The following USP34 variants were observed in gnomAD, a reference collection of about 807,000 sequenced individuals.
USP34 encodes ubiquitin carboxyl-terminal hydrolase 34.
In USP34, 70 loss-of-function variants were observed where a neutral mutation model predicts 460.3. That is an observed-to-expected ratio of 0.15 (90% CI 0.13 to 0.19). The LOEUF (loss-of-function observed/expected upper bound fraction) is 0.19, where lower values mean the gene tolerates loss of function less well. Among genes scored for constraint, USP34 ranks in the 10% least tolerant of loss-of-function variants. The probability of loss-of-function intolerance (pLI) is 1.00; values close to 1 mark genes in which losing one functional copy is unlikely to be tolerated. For synonymous variants in USP34, 1,647 were observed against 1,405.3 expected, an observed-to-expected ratio of 1.17 and a Z score of -3.85; for missense variants, 3,985 against 4,236.2, an observed-to-expected ratio of 0.94 and a Z score of 1.65.
At chr2:61,310,545 T>C (rs1690557646) in intron 27 of USP34, among the ~76,000 whole-genome samples, 1 of 151,186 alleles carries the variant, frequency 6.6e-6, no homozygotes, top group Admixed American at 6.6e-5. Flanking sequence ...TATACATCTA[T>C]ATAGCACATA....
At chr2:61,415,672 G>T (rs998333376) in intron 2 of USP34, among the ~76,000 whole-genome samples, 1 of 151,996 alleles carries the variant, frequency 6.6e-6, no homozygotes, top group Non-Finnish European at 1.5e-5. Flanking sequence ...GGGGACACAG[G>T]GACTTTATTA....
chr2:61,405,656 G>A (rs1693849941), intron 3 of USP34, 52 bp downstream of exon 3: 5 of 1,440,182 alleles, frequency 3.5e-6, no homozygotes, highest in Non-Finnish European at 4.6e-6. Context: ...GAAACAGACT[G>A]CGAAGTTAAG....
intron 20 of USP34, among the ~76,000 whole-genome samples, chr2:61,326,443 G>A (rs564763902): frequency 2.0e-5 from 3 of 152,214 alleles, no homozygotes; most frequent in Admixed American, 2.0e-4. Context: ...TGGCCAGGCT[G>A]TCTCAAACTC....
At chr2:61,203,737 T>C (rs560905603) in intron 74 of USP34, among the ~76,000 whole-genome samples, 8 of 152,218 alleles carry the variant, frequency 5.3e-5, no homozygotes, top group East Asian at 1.9e-4. Flanking sequence ...TTTAAAAAAG[T>C]TGAAACTAAG....
At chr2:61,416,084 T>C (rs1221083329) in intron 2 of USP34, among the ~76,000 whole-genome samples, 2 of 152,198 alleles carry the variant, frequency 1.3e-5, no homozygotes, top group African/African-American at 4.8e-5. Flanking sequence ...GAAAGGACTA[T>C]TACTCCACAG....
At chr2:61,282,013 A>G (rs1156801296) in intron 37 of USP34, among the ~76,000 whole-genome samples, 14 of 152,180 alleles carry the variant, frequency 9.2e-5, no homozygotes, top group Non-Finnish European at 2.1e-4. Context: ...TTTTTAAGAC[A>G]GAGTCTTGCT....
intron 5 of USP34, 101 bp downstream of exon 5, chr2:61,394,752 T>G (rs916863045): frequency 2.2e-6 from 2 of 926,310 alleles, no homozygotes; most frequent in Admixed American, 7.7e-5. Context: ...AAATTACACA[T>G]GCAAATCATT....
At chr2:61,396,491 ATTTTT>A (rs5831608) in intron 3 of USP34, among the ~76,000 whole-genome samples, 6 of 145,588 alleles carry the variant, frequency 4.1e-5, no homozygotes, top group Non-Finnish European at 9.0e-5. Flanking sequence ...ATTCCAGCTA[ATTTTT>A]TTTTTTTTTT....
chr2:61,194,949 GTCAAAAAAAAAAAAAA>G (rs1686754372), intron 75 of USP34, among the ~76,000 whole-genome samples: 1 of 82,746 alleles, frequency 1.2e-5, no homozygotes, highest in African/African-American at 4.5e-5. Flanking sequence ...GTGAAACTCT[GTCAAAAAAAAAAAAAA>G]AAAAAGTTTT....
rs1367830224 is a variant in USP34, at chr2:61,192,942, C to A, written c.9547G>T (p.Ala3183Ser). 1 of 1,613,824 alleles carries A rather than the reference C, an allele frequency of 6.2e-7. No individual in the cohort carries two copies. The highest frequency in any genetic ancestry group is 8.5e-7 in the Non-Finnish European group (1 of 1,179,872). The change falls in exon 76 of 80, where the codon GCA becomes TCA. Residue 3183 changes from alanine (A) to serine (S), a missense_variant. Physicochemically the swap from Ala to Ser is moderately conservative, Grantham distance 99 (BLOSUM62 1). This residue lies in a region of USP34 where 506 missense variants were observed against 439.0 expected (regional missense o/e 1.15). Coordinates refer to ENST00000398571, the MANE Select transcript of USP34 (RefSeq NM_014709.4). Reference protein sequence around the residue: ...VAYEGLPLHLALFPKLWTELC... With the variant: ...VAYEGLPLHLSLFPKLWTELC... ...TCAGTCCAAAGTTTGGGGAACAGTG[C>A]AAGATGAAGTGGCAAACCTTCATAG...
intron 29 of USP34, among the ~76,000 whole-genome samples, chr2:61,300,131 A>G (rs1297689772): frequency 6.6e-6 from 1 of 152,218 alleles, no homozygotes; most frequent in African/African-American, 2.4e-5. Flanking sequence ...CTTTCTCCAA[A>G]GAAACTTATT....
chr2:61,222,809 G>C (rs1247991515), intron 64 of USP34, 146 bp from the exon 65 acceptor site: 1 of 766,466 alleles, frequency 1.3e-6, no homozygotes, highest in Non-Finnish European at 2.1e-6. Context: ...CGATCCTCCT[G>C]CCTCAGCCTC....
At chr2:61,409,830 A>T (rs1693986687) in intron 2 of USP34, among the ~76,000 whole-genome samples, 2 of 152,248 alleles carry the variant, frequency 1.3e-5, no homozygotes, top group South Asian at 2.1e-4. Context: ...AAGTAACAGA[A>T]GAAACTGGGT....
intron 69 of USP34, among the ~76,000 whole-genome samples, chr2:61,211,034 C>T (rs967053790): frequency 1.3e-5 from 2 of 152,060 alleles, no homozygotes; most frequent in East Asian, 1.9e-4. Flanking sequence ...TTTAAGAAAT[C>T]CGGCAAAGGC....
intron 5 of USP34, among the ~76,000 whole-genome samples, chr2:61,394,072 G>C (rs1185871619): frequency 1.3e-5 from 2 of 152,040 alleles, no homozygotes; most frequent in African/African-American, 2.4e-5. Context: ...AGTGAGCTGA[G>C]ACTGCACCAC....
chr2:61,354,879 A>G (rs1692058301), intron 10 of USP34, among the ~76,000 whole-genome samples: 1 of 151,620 alleles, frequency 6.6e-6, no homozygotes, highest in Non-Finnish European at 1.5e-5. Flanking sequence ...CTCACCTCCA[A>G]CTCCTGATTG....
At chr2:61,253,166 G>A (rs1005546773) in intron 48 of USP34, among the ~76,000 whole-genome samples, 11 of 152,156 alleles carry the variant, frequency 7.2e-5, no homozygotes, top group Non-Finnish European at 1.5e-4. Context: ...TTAGTACAGA[G>A]ATATAAAAGT....
intron 29 of USP34, among the ~76,000 whole-genome samples, chr2:61,297,941 T>C (rs1690085623): frequency 1.3e-5 from 2 of 152,162 alleles, no homozygotes; most frequent in African/African-American, 4.8e-5. Flanking sequence ...CGAGTAACAC[T>C]TGCGCTATAC....
chr2:61,267,122 C>A (rs956163757), intron 41 of USP34, among the ~76,000 whole-genome samples: 1 of 152,194 alleles, frequency 6.6e-6, no homozygotes, highest in Non-Finnish European at 1.5e-5. Flanking sequence ...CAATGGAAGA[C>A]AACCCTTGGT....
Sources: allele counts gnomAD v4.1 joint callset (sites outside exome capture counted in the v4.1 genomes callset), GRCh38; gene constraint gnomAD v4.1.1; regional missense constraint gnomAD v4.1.1; transcripts MANE v1.5; gene names NCBI Gene and HGNC (gene_info 2026-07-23, HGNC 2026-07-21).